The following ANXA10 variants were observed in gnomAD, a reference collection of about 807,000 sequenced individuals.
The protein encoded by ANXA10 is annexin 14.
ANXA10 carries 49 observed loss-of-function variants against 53.5 expected under a neutral mutation model. The observed-to-expected ratio is 0.92, with a 90% CI of 0.73 to 1.16. The LOEUF (loss-of-function observed/expected upper bound fraction) is 1.16, where lower values mean the gene tolerates loss of function less well. ANXA10 is among the 50% of genes most tolerant of loss of function. The pLI, the probability that ANXA10 is intolerant of heterozygous loss-of-function variation, is 0.00. For synonymous variants in ANXA10, 131 were observed against 128.9 expected (o/e 1.02, Z -0.11); for missense variants, 393 against 394.4 (o/e 1.00, Z 0.03).
chr4:168,139,821 C>T (rs1731298646), intron 3 of ANXA10, among the ~76,000 whole-genome samples: 5 of 152,126 alleles, frequency 3.3e-5, no homozygotes, highest in Non-Finnish European at 2.9e-5. Context: ...AGTTCTTTCC[C>T]CAAAATCATT....
intron 3 of ANXA10, among the ~76,000 whole-genome samples, chr4:168,155,922 TCATATATTATATGTTATATATAA>T (rs1731642410): frequency 1.2e-5 from 1 of 80,712 alleles, no homozygotes; most frequent in Admixed American, 1.2e-4. Context: ...ATATTATATA[TCATATATTATATGTTATATATAA>T]TATATGATAT....
chr4:168,115,133 T>A (rs545144227), intron 1 of ANXA10, among the ~76,000 whole-genome samples: 1 of 152,298 alleles, frequency 6.6e-6, no homozygotes, highest in African/African-American at 2.4e-5. Context: ...TCTACCTGCC[T>A]CAGATTCCCA....
chr4:168,115,537 A>T (rs1039186700), intron 1 of ANXA10, among the ~76,000 whole-genome samples: 6 of 133,806 alleles, frequency 4.5e-5, no homozygotes, highest in African/African-American at 1.5e-4. Context: ...ACACACACAC[A>T]CTCCCCTCTT....
intron 3 of ANXA10, among the ~76,000 whole-genome samples, chr4:168,150,602 CA>C (rs1731480309): frequency 6.6e-6 from 1 of 152,168 alleles, no homozygotes; most frequent in African/African-American, 2.4e-5. Context: ...GCTGAATATA[CA>C]TATTCAATAA....
chr4:168,165,254 C>A lies in ANXA10; in HGVS notation c.408C>A (p.Ser136Arg). The A allele has an allele frequency of 6.4e-7, 1 of 1,573,548 alleles. No homozygotes were observed. Among genetic ancestry groups the A allele is most frequent in the Non-Finnish European group, 8.7e-7 (1 of 1,149,236 alleles). Residue 136 changes from serine (S) to arginine (R), a missense_variant, in exon 6 of 12, where the codon AGC becomes AGA. By Grantham distance (110) the Ser-to-Arg change is moderately radical. Transcript: ENST00000359299. ...ACATGTTTTCTTATACAGAATACAG[C>A]AATAACCTCCAAGAGGACATTTATT... ...QMREAYCLQY[S>R]NNLQEDIYSE...
chr4:168,135,698 G>T (rs1731226009), intron 2 of ANXA10, among the ~76,000 whole-genome samples: 1 of 152,152 alleles, frequency 6.6e-6, no homozygotes, highest in Non-Finnish European at 1.5e-5. Context: ...GGTGATAGGT[G>T]TTCCATGAAA....
chr4:168,128,258 C>T, intron 2 of ANXA10, 93 bp downstream of exon 2: 2 of 747,144 alleles, frequency 2.7e-6, no homozygotes, highest in Non-Finnish European at 2.0e-6. Context: ...TAGTTGATGT[C>T]TTACAAAACA....
intron 2 of ANXA10, among the ~76,000 whole-genome samples, chr4:168,130,718 A>T (rs1051849246): frequency 6.6e-6 from 1 of 152,126 alleles, no homozygotes; most frequent in African/African-American, 2.4e-5. Context: ...GATCCATTTC[A>T]TCTAGACTAT....
intron 1 of ANXA10, among the ~76,000 whole-genome samples, chr4:168,118,298 T>C (rs1207608854): frequency 6.6e-6 from 1 of 152,196 alleles, no homozygotes; most frequent in Non-Finnish European, 1.5e-5. Flanking sequence ...CATTTCCTCT[T>C]TCAGCTGAAA....
chr4:168,102,487 CAG>C (rs1455356201), intron 1 of ANXA10, among the ~76,000 whole-genome samples: 1 of 152,092 alleles, frequency 6.6e-6, no homozygotes, highest in African/African-American at 2.4e-5. Context: ...GTCATGGGAA[CAG>C]AGTCATAAAC....
At chr4:168,183,278 A>T (rs985221727) in intron 10 of ANXA10, among the ~76,000 whole-genome samples, 1 of 152,214 alleles carries the variant, frequency 6.6e-6, no homozygotes, top group Non-Finnish European at 1.5e-5. Flanking sequence ...CAAAGGAAGA[A>T]CCTGGATAAC....
intron 6 of ANXA10, among the ~76,000 whole-genome samples, chr4:168,173,287 G>A (rs181352204): frequency 2.0e-5 from 3 of 152,262 alleles, no homozygotes; most frequent in Admixed American, 1.3e-4. Context: ...GGTAGCCTCT[G>A]AGCAAGCAAA....
intron 10 of ANXA10, among the ~76,000 whole-genome samples, chr4:168,183,240 T>C (rs1732297460): frequency 6.6e-6 from 1 of 152,184 alleles, no homozygotes. Context: ...TTATTATATA[T>C]CTTCTGCAGT....
chr4:168,165,670 A>ATTTCTTTC (rs145800072), intron 6 of ANXA10, among the ~76,000 whole-genome samples: 1 of 151,914 alleles, frequency 6.6e-6, no homozygotes, highest in African/African-American at 2.4e-5. Context: ...ATTAGAAATA[A>ATTTCTTTC]TTTCTTTCTT....
chr4:168,131,595 T>C (rs1443134641), intron 2 of ANXA10, among the ~76,000 whole-genome samples: 2 of 152,016 alleles, frequency 1.3e-5, no homozygotes, highest in Non-Finnish European at 2.9e-5. Context: ...GGTGTTAAAT[T>C]GCCCAGTTAT....
intron 3 of ANXA10, among the ~76,000 whole-genome samples, chr4:168,156,198 A>AT (rs1491176698): frequency 0.038 from 454 of 11,920 alleles, 3 homozygotes; most frequent in Non-Finnish European, 0.065. Flanking sequence ...TATTATATAT[A>AT]ATATATATTA....
At chr4:168,122,177 G>A (rs1210459055) in intron 1 of ANXA10, among the ~76,000 whole-genome samples, 1 of 152,058 alleles carries the variant, frequency 6.6e-6, no homozygotes, top group Non-Finnish European at 1.5e-5. Flanking sequence ...TTGACCTTCC[G>A]TGAATGAGAC....
rs1172873777 is a variant in ANXA10, at chr4:168,155,783, A to G, written c.196-6745A>G. On this transcript the variant is annotated intron_variant, in intron 3 of 11. Coordinates refer to ENST00000359299, the MANE Select transcript of ANXA10 (RefSeq NM_007193.5). Reference sequence around the variant, plus strand: ...TAATATATGATATATCATATATTATATATTATATATAATATATAATATATG... The same window carrying G: ...TAATATATGATATATCATATATTATGTATTATATATAATATATAATATATG... Among the ~76,000 whole-genome samples the G allele has an allele frequency of 3.3e-4, 8 of 24,436 alleles. 2 individuals are homozygous for G. The East Asian group carries it at 8.5e-3, about 26-fold the overall frequency. 16.0% of individuals were successfully genotyped at this position (24,436 alleles called of 152,430 possible).
intron 3 of ANXA10, among the ~76,000 whole-genome samples, chr4:168,140,927 G>A (rs1019137806): frequency 1.3e-5 from 2 of 152,154 alleles, no homozygotes; most frequent in Non-Finnish European, 2.9e-5. Flanking sequence ...GAGAAGAAAT[G>A]CCATTTTTAA....
Sources: allele counts gnomAD v4.1 joint callset (sites outside exome capture counted in the v4.1 genomes callset), GRCh38; gene constraint gnomAD v4.1.1; transcripts MANE v1.5; gene names NCBI Gene and HGNC (gene_info 2026-07-23, HGNC 2026-07-21).